ASCC3: variants seen among roughly 807,000 people sequenced by gnomAD.
ASCC3 encodes ASC-1 complex subunit P200.
Under a neutral mutation model 256.3 loss-of-function variants are expected in ASCC3, and 158 were observed. The ratio of observed to expected loss-of-function variants is 0.62; its 90% CI spans 0.54 to 0.70. The LOEUF is 0.70. Among genes scored for constraint, ASCC3 ranks in the 30% least tolerant of loss-of-function variants. The pLI is 0.00. For synonymous variants in ASCC3, 948 were observed against 883.4 expected, an observed-to-expected ratio of 1.07 and a Z score of -1.30; for missense variants, 2,259 against 2,626.0, an observed-to-expected ratio of 0.86 and a Z score of 3.05.
intron 38 of ASCC3, among the ~76,000 whole-genome samples, chr6:100,517,064 A>C (rs1462337620): frequency 1.3e-5 from 2 of 151,996 alleles, no homozygotes; most frequent in African/African-American, 4.8e-5. Flanking sequence ...TCCCCATGCC[A>C]TCTGCTGCTG....
intron 30 of ASCC3, among the ~76,000 whole-genome samples, chr6:100,610,220 CT>C (rs1773326459): frequency 6.6e-6 from 1 of 152,024 alleles, no homozygotes; most frequent in Admixed American, 6.6e-5. Flanking sequence ...ATCTTATTTC[CT>C]TTTTTCTATT....
chr6:100,614,615 C>T (rs1428683769), intron 30 of ASCC3, among the ~76,000 whole-genome samples: 2 of 152,118 alleles, frequency 1.3e-5, no homozygotes, highest in African/African-American at 4.8e-5. Flanking sequence ...AGAAGCCTGG[C>T]TCCAGTCCAT....
At chr6:100,757,750 A>C (rs1330687783) in intron 10 of ASCC3, among the ~76,000 whole-genome samples, 1 of 152,202 alleles carries the variant, frequency 6.6e-6, no homozygotes, top group South Asian at 2.1e-4. Context: ...AAGAAGTAGG[A>C]CTGGATAGGG....
chr6:100,531,997 T>A (rs1177858430), intron 37 of ASCC3, among the ~76,000 whole-genome samples: 1 of 152,008 alleles, frequency 6.6e-6, no homozygotes, highest in Non-Finnish European at 1.5e-5. Flanking sequence ...TTTACTTTTT[T>A]TTTTGTCATT....
intron 34 of ASCC3, among the ~76,000 whole-genome samples, chr6:100,593,829 C>T (rs1181355929): frequency 6.6e-6 from 1 of 151,966 alleles, no homozygotes; most frequent in African/African-American, 2.4e-5. Flanking sequence ...CAGGGGAAAA[C>T]AGAGTAAAAC....
chr6:100,760,494 G>A (rs1031986921), intron 10 of ASCC3, among the ~76,000 whole-genome samples: 3 of 152,140 alleles, frequency 2.0e-5, no homozygotes, highest in African/African-American at 7.2e-5. Context: ...GATCGTTGTG[G>A]ATAAGTTTTT....
intron 10 of ASCC3, among the ~76,000 whole-genome samples, chr6:100,737,162 G>A (rs888682215): frequency 5.3e-5 from 8 of 149,534 alleles, no homozygotes; most frequent in African/African-American, 2.0e-4. Context: ...AAAAAAAAAG[G>A]CGGGGGAGGC....
chr6:100,822,499 T>C (rs1454771181), intron 4 of ASCC3, among the ~76,000 whole-genome samples: 2 of 145,686 alleles, frequency 1.4e-5, no homozygotes, highest in Non-Finnish European at 1.5e-5. Flanking sequence ...ATCGCGCCAC[T>C]GCACTCCAGC....
At chr6:100,552,377 A>G (rs1769343201) in intron 36 of ASCC3, among the ~76,000 whole-genome samples, 1 of 151,980 alleles carries the variant, frequency 6.6e-6, no homozygotes, top group Non-Finnish European at 1.5e-5. Flanking sequence ...CTTATGCTTT[A>G]CTAGTAGTTT....
chr6:100,798,527 A>T (rs543552286), intron 8 of ASCC3, among the ~76,000 whole-genome samples, 186 bp downstream of exon 8: 1 of 152,244 alleles, frequency 6.6e-6, no homozygotes, highest in East Asian at 1.9e-4. Context: ...CATTTGTTTA[A>T]TGTATGAAGA....
intron 3 of ASCC3, among the ~76,000 whole-genome samples, chr6:100,849,518 G>A (rs1772556718): frequency 6.6e-6 from 1 of 151,934 alleles, no homozygotes; most frequent in Admixed American, 6.6e-5. Flanking sequence ...TACCATCAAG[G>A]ATATTTATTA....
chr6:100,632,911 T>C (rs111635783), intron 25 of ASCC3, among the ~76,000 whole-genome samples: 3,492 of 152,244 alleles, frequency 0.023, 48 homozygotes, highest in Non-Finnish European at 0.033. Context: ...GTCTTGGCGA[T>C]GATTTTTGGG....
chr6:100,531,051 A>G lies in ASCC3; in HGVS notation c.5775+9112T>C, dbSNP rs1207586602. 1.9e-6 allele frequency: 3 copies of G among 1,549,802 alleles called. No individual in the cohort carries two copies. In the East Asian group the frequency reaches 6.7e-5, roughly 35 times the overall value. Reference sequence around the variant, plus strand: ...GCTGGGACAAAAAGTACAACAGTGTAGCACTAAAGGAATCTTCTAGAACGT... The same window carrying G: ...GCTGGGACAAAAAGTACAACAGTGTGGCACTAAAGGAATCTTCTAGAACGT... On this transcript the variant is annotated intron_variant, in intron 37 of 41. Coordinates refer to ENST00000369162, the MANE Select transcript of ASCC3 (RefSeq NM_006828.4).
chr6:100,694,672 C>T (rs1014801928), intron 13 of ASCC3, among the ~76,000 whole-genome samples: 3 of 152,102 alleles, frequency 2.0e-5, no homozygotes, highest in Non-Finnish European at 4.4e-5. Context: ...CTTGAAGGGG[C>T]TTCCACTGGC....
intron 30 of ASCC3, among the ~76,000 whole-genome samples, chr6:100,610,950 A>AT (rs971640938): frequency 1.7e-4 from 26 of 152,108 alleles, no homozygotes; most frequent in Non-Finnish European, 2.8e-4. Flanking sequence ...AGTTTGAGAG[A>AT]TTTTTTTTCA....
At chr6:100,574,747 A>T (rs1009839555) in intron 36 of ASCC3, among the ~76,000 whole-genome samples, 1 of 152,042 alleles carries the variant, frequency 6.6e-6, no homozygotes. Context: ...TTACAAATAC[A>T]TTTTATGCTT....
intron 8 of ASCC3, among the ~76,000 whole-genome samples, chr6:100,769,483 ATTAT>A (rs978212331): frequency 2.9e-4 from 44 of 152,064 alleles, no homozygotes; most frequent in Admixed American, 2.6e-3. Context: ...ACCATTATTT[ATTAT>A]TTGTCAATTA....
intron 33 of ASCC3, among the ~76,000 whole-genome samples, chr6:100,602,530 G>A (rs940058812): frequency 6.6e-6 from 1 of 152,022 alleles, no homozygotes; most frequent in Non-Finnish European, 1.5e-5. Context: ...GCAGGCAACA[G>A]AAGAGATATC....
Position 100,783,042 on chromosome 6 carries a change from T to C in ASCC3, c.1395+15671A>G, listed in dbSNP as rs1782520011. On this transcript the variant is annotated intron_variant, in intron 8 of 41. Coordinates refer to ENST00000369162, the MANE Select transcript of ASCC3 (RefSeq NM_006828.4). ...AAAAAGAAATATGACTGACATCTTT[T>C]AAGAAATGGAAAAACTAAAAACATG... 2.0e-5 allele frequency among the ~76,000 whole-genome samples: 3 copies of C among 152,112 alleles called. No individual in the cohort carries two copies. The South Asian group carries it at 6.2e-4, about 32-fold the overall frequency.
Sources: gnomAD v4.1 joint callset for allele counts (sites outside exome capture counted in the v4.1 genomes callset) on GRCh38, gnomAD v4.1.1 for gene constraint, MANE v1.5 for transcripts, NCBI Gene and HGNC (gene_info 2026-07-23, HGNC 2026-07-21) for gene names.